The following SORCS1 variants were observed in gnomAD, a reference collection of about 807,000 sequenced individuals.
SORCS1 encodes VPS10 domain-containing receptor SorCS1.
In SORCS1, 60 loss-of-function variants were observed where a neutral mutation model predicts 146.1. The ratio of observed to expected loss-of-function variants is 0.41; its 90% CI spans 0.33 to 0.51. The LOEUF is 0.51. Ranked by LOEUF, SORCS1 falls within the 20% of genes least tolerant of loss-of-function variation. SORCS1 has a pLI of 0.21. For synonymous variants in SORCS1, 637 were observed against 584.0 expected (o/e 1.09, Z -1.31); for missense variants, 1,352 against 1,487.6 (o/e 0.91, Z 1.50).
chr10:106,741,557 C>A (rs936888089), intron 5 of SORCS1, among the ~76,000 whole-genome samples: 1 of 152,092 alleles, frequency 6.6e-6, no homozygotes, highest in African/African-American at 2.4e-5. Flanking sequence ...AAGATTGCGT[C>A]ACTGCAATCC....
chr10:106,953,127 T>TATAC (rs1353214281), intron 2 of SORCS1, among the ~76,000 whole-genome samples: 2 of 146,434 alleles, frequency 1.4e-5, no homozygotes, highest in African/African-American at 2.5e-5. Flanking sequence ...AAATATATTA[T>TATAC]GTATCTGTGG....
At chr10:106,812,607 T>C (rs889871351) in intron 3 of SORCS1, among the ~76,000 whole-genome samples, 6 of 152,206 alleles carry the variant, frequency 3.9e-5, no homozygotes, top group African/African-American at 1.2e-4. Context: ...AAATCTGATA[T>C]AGAAAAAGTG....
At chr10:107,145,605 G>A (rs1249298207) in intron 1 of SORCS1, among the ~76,000 whole-genome samples, 1 of 152,142 alleles carries the variant, frequency 6.6e-6, no homozygotes, top group Non-Finnish European at 1.5e-5. Flanking sequence ...AATTTAAGCA[G>A]GTCTAAAAAT....
At chr10:107,146,298 C>T (rs924018581) in intron 1 of SORCS1, among the ~76,000 whole-genome samples, 7 of 150,166 alleles carry the variant, frequency 4.7e-5, no homozygotes, top group Non-Finnish European at 8.8e-5. Flanking sequence ...GCATTTTTTA[C>T]GGTATTTAAA....
At chr10:106,897,963 G>T (rs1049849018) in intron 2 of SORCS1, among the ~76,000 whole-genome samples, 1 of 152,168 alleles carries the variant, frequency 6.6e-6, no homozygotes, top group South Asian at 2.1e-4. Context: ...CCATTCCTTC[G>T]CTGGGACCCA....
chr10:106,623,658 T>A (rs923591092), intron 19 of SORCS1, among the ~76,000 whole-genome samples: 62 of 152,190 alleles, frequency 4.1e-4, no homozygotes, highest in African/African-American at 4.6e-4. Context: ...TCAGTTTTTT[T>A]ATTTTTATTT....
At chr10:106,777,066 T>C (rs1860494210) in intron 3 of SORCS1, among the ~76,000 whole-genome samples, 1 of 152,210 alleles carries the variant, frequency 6.6e-6, no homozygotes, top group Non-Finnish European at 1.5e-5. Context: ...ATTAACAGAC[T>C]GGTTATAGTC....
At chr10:106,761,975 G>A (rs1219377108) in intron 4 of SORCS1, among the ~76,000 whole-genome samples, 2 of 152,246 alleles carry the variant, frequency 1.3e-5, no homozygotes, top group Non-Finnish European at 2.9e-5. Flanking sequence ...AAAGTCAGCT[G>A]TGCCACTTGA....
At chr10:106,685,699 G>A (rs955838871) in intron 10 of SORCS1, among the ~76,000 whole-genome samples, 1 of 151,902 alleles carries the variant, frequency 6.6e-6, no homozygotes, top group African/African-American at 2.4e-5. Flanking sequence ...GGGGAGGAGG[G>A]AGAGGCTGGA....
intron 2 of SORCS1, among the ~76,000 whole-genome samples, chr10:106,905,191 C>T (rs539704163): frequency 1.3e-5 from 2 of 152,030 alleles, no homozygotes; most frequent in East Asian, 3.9e-4. Flanking sequence ...TACCAAATTG[C>T]TAAATAAATC....
intron 2 of SORCS1, among the ~76,000 whole-genome samples, chr10:106,849,368 T>C (rs2137249593): frequency 6.7e-6 from 1 of 149,628 alleles, no homozygotes; most frequent in East Asian, 2.0e-4. Flanking sequence ...TTTCTTCCAG[T>C]TGATCGCATC....
At chr10:107,123,062 G>A (rs1286392921) in intron 1 of SORCS1, among the ~76,000 whole-genome samples, 2 of 131,164 alleles carry the variant, frequency 1.5e-5, no homozygotes, top group Non-Finnish European at 3.2e-5. Flanking sequence ...AAATCATGAG[G>A]CAAAGACAAA....
chr10:107,138,423 A>G (rs1967523802), intron 1 of SORCS1, among the ~76,000 whole-genome samples: 1 of 152,166 alleles, frequency 6.6e-6, no homozygotes, highest in South Asian at 2.1e-4. Context: ...TCCTTTTCAT[A>G]CACAGTTTTT....
chr10:106,662,197 T>A (rs1589601491), intron 17 of SORCS1, among the ~76,000 whole-genome samples: 1 of 152,214 alleles, frequency 6.6e-6, no homozygotes, highest in Non-Finnish European at 1.5e-5. Flanking sequence ...GGCACAATAA[T>A]AACCGATGCC....
At chr10:107,172,156 C>A in the SORCS1 span, among the ~76,000 whole-genome samples, 1 of 152,140 alleles carries the variant, frequency 6.6e-6, no homozygotes, top group African/African-American at 2.4e-5. Flanking sequence ...TCTTTTTCTC[C>A]ATTTCTCCAT....
chr10:106,992,959 G>A (rs1353661231), intron 1 of SORCS1, among the ~76,000 whole-genome samples: 1 of 149,012 alleles, frequency 6.7e-6, no homozygotes, highest in Non-Finnish European at 1.5e-5. Flanking sequence ...AGCCTCCCTA[G>A]TAGCTGGGAT....
intron 1 of SORCS1, among the ~76,000 whole-genome samples, chr10:107,008,248 G>T (rs1470922063): frequency 6.6e-6 from 1 of 152,030 alleles, no homozygotes; most frequent in Non-Finnish European, 1.5e-5. Context: ...AATTTCATTG[G>T]TTTCCATTTT....
intron 24 of SORCS1, among the ~76,000 whole-genome samples, chr10:106,588,309 A>G (rs1023865864): frequency 6.6e-6 from 1 of 152,162 alleles, no homozygotes; most frequent in African/African-American, 2.4e-5. Context: ...TTAGCTCCAA[A>G]TATTCCAAGA....
chr10:106,813,376 A>T (rs1025623617), intron 3 of SORCS1, among the ~76,000 whole-genome samples: 1 of 151,148 alleles, frequency 6.6e-6, no homozygotes, highest in African/African-American at 2.4e-5. Context: ...TCGTGATCCT[A>T]CCTACCTCGG....
Sources: gnomAD v4.1 joint callset for allele counts (sites outside exome capture counted in the v4.1 genomes callset) on GRCh38, gnomAD v4.1.1 for gene constraint, MANE v1.5 for transcripts, NCBI Gene and HGNC (gene_info 2026-07-23, HGNC 2026-07-21) for gene names.